Variants in CTNNA2 observed in about 807,000 individuals in gnomAD.
CTNNA2 encodes the protein catenin alpha-2.
In CTNNA2, 42 loss-of-function variants were observed where a neutral mutation model predicts 101.0. That is an observed-to-expected ratio of 0.42 (90% CI 0.32 to 0.54). CTNNA2 has a LOEUF of 0.54. CTNNA2 is among the 20% of genes least tolerant of loss of function. The pLI is 0.14. For synonymous variants in CTNNA2, 450 were observed against 456.4 expected (o/e 0.99, Z 0.18); for missense variants, 871 against 1,223.1 (o/e 0.71, Z 4.29).
chr2:79,734,647 A>G (rs1040862212), intron 2 of CTNNA2, among the ~76,000 whole-genome samples: 3 of 152,160 alleles, frequency 2.0e-5, no homozygotes, highest in African/African-American at 4.8e-5. Flanking sequence ...AGAAAGCAAG[A>G]TGAATGTAGC....
chr2:79,665,002 T>C (rs1976628), intron 2 of CTNNA2, among the ~76,000 whole-genome samples: 96,893 of 151,942 alleles, frequency 0.64, 31,160 homozygotes, highest in East Asian at 0.79. Flanking sequence ...TGAGCCACCG[T>C]TCCCGGCCCA....
chr2:79,837,349 C>A (rs986708054), intron 3 of CTNNA2, among the ~76,000 whole-genome samples: 13 of 152,184 alleles, frequency 8.5e-5, no homozygotes, highest in African/African-American at 3.1e-4. Context: ...TATGTTCTAG[C>A]TGTGCTGGCA....
At chr2:80,338,208 C>T (rs1671919384) in intron 7 of CTNNA2, among the ~76,000 whole-genome samples, 1 of 151,908 alleles carries the variant, frequency 6.6e-6, no homozygotes, top group African/African-American at 2.4e-5. Flanking sequence ...AGGCTGATCT[C>T]GAACTCCTGA....
chr2:79,472,576 C>T (rs1026467320), intron 4 of CTNNA2, among the ~76,000 whole-genome samples: 1 of 152,170 alleles, frequency 6.6e-6, no homozygotes, highest in Non-Finnish European at 1.5e-5. Flanking sequence ...TTCATTTCAT[C>T]CCATTTTTTG....
chr2:79,670,164 A>G (rs1682731298), intron 2 of CTNNA2, among the ~76,000 whole-genome samples: 1 of 152,172 alleles, frequency 6.6e-6, no homozygotes, highest in South Asian at 2.1e-4. Flanking sequence ...CGCCCTGCCA[A>G]CTTGGAAGAG....
At chr2:80,125,018 A>G (rs1206160789) in intron 7 of CTNNA2, among the ~76,000 whole-genome samples, 1 of 152,186 alleles carries the variant, frequency 6.6e-6, no homozygotes, top group Non-Finnish European at 1.5e-5. Context: ...AGCTTGGAAG[A>G]GAACACCAGT....
intron 7 of CTNNA2, among the ~76,000 whole-genome samples, chr2:80,309,292 C>G (rs754298659): frequency 3.3e-5 from 5 of 152,136 alleles, no homozygotes. Context: ...AACTATCCTT[C>G]AAGGTTGATG....
intron 7 of CTNNA2, chr2:80,313,229 T>A: frequency 3.1e-6 from 1 of 319,226 alleles, no homozygotes; most frequent in Non-Finnish European, 5.1e-6. Context: ...CCTGCCTAGT[T>A]AGATGCATTT....
At chr2:79,227,179 G>T (rs757086524) in intron 2 of CTNNA2, among the ~76,000 whole-genome samples, 1 of 152,094 alleles carries the variant, frequency 6.6e-6, no homozygotes, top group African/African-American at 2.4e-5. Context: ...TCTTGACAGG[G>T]ATTGGAAAAA....
At chr2:80,442,353 A>T (rs2149443642) in intron 9 of CTNNA2, among the ~76,000 whole-genome samples, 1 of 152,342 alleles carries the variant, frequency 6.6e-6, no homozygotes, top group African/African-American at 2.4e-5. Context: ...TTGCCCAGCC[A>T]TCTGGACCTT....
chr2:79,306,560 T>G (rs1036384411), intron 2 of CTNNA2, among the ~76,000 whole-genome samples: 2 of 152,202 alleles, frequency 1.3e-5, no homozygotes, highest in Non-Finnish European at 2.9e-5. Flanking sequence ...ATAACACACT[T>G]TTGGTGGACA....
intron 6 of CTNNA2, among the ~76,000 whole-genome samples, chr2:79,878,395 G>A (rs898404671): frequency 2.6e-5 from 4 of 152,284 alleles, no homozygotes; most frequent in Admixed American, 1.3e-4. Flanking sequence ...TTGCCATACT[G>A]TCTTCCACAA....
chr2:79,387,490 G>A (rs936542166), intron 4 of CTNNA2, among the ~76,000 whole-genome samples: 2 of 152,156 alleles, frequency 1.3e-5, no homozygotes, highest in Non-Finnish European at 2.9e-5. Context: ...AGAGTTGAAC[G>A]GTGTGGTAAA....
intron 1 of CTNNA2, chr2:79,547,047 G>A (rs1558718784): frequency 6.6e-6 from 1 of 152,070 alleles, no homozygotes; most frequent in Non-Finnish European, 1.5e-5. Flanking sequence ...GTGTGTGTGT[G>A]TTTGTGTGTG....
chr2:80,494,531 G>C (rs1687296697), intron 9 of CTNNA2, among the ~76,000 whole-genome samples: 2 of 151,956 alleles, frequency 1.3e-5, no homozygotes, highest in Non-Finnish European at 2.9e-5. Context: ...AAAAAAAATA[G>C]AACAGAGGAT....
At chr2:79,803,556 T>G (rs1489296988) in intron 3 of CTNNA2, among the ~76,000 whole-genome samples, 1 of 152,276 alleles carries the variant, frequency 6.6e-6, no homozygotes, top group Non-Finnish European at 1.5e-5. Context: ...GGCTTAAGGA[T>G]GCCTTTAAGC....
intron 7 of CTNNA2, among the ~76,000 whole-genome samples, chr2:79,946,385 T>C (rs1357005880): frequency 6.6e-6 from 1 of 152,216 alleles, no homozygotes; most frequent in Non-Finnish European, 1.5e-5. Context: ...TGGCTCACCA[T>C]GTTAATTACA....
intron 7 of CTNNA2, among the ~76,000 whole-genome samples, chr2:80,119,849 C>T (rs1041302920): frequency 6.6e-6 from 1 of 152,082 alleles, no homozygotes; most frequent in Non-Finnish European, 1.5e-5. Flanking sequence ...CTATGTAAGA[C>T]AATGAATTTA....
intron 3 of CTNNA2, among the ~76,000 whole-genome samples, chr2:79,836,640 T>G (rs1355391800): frequency 6.6e-6 from 1 of 152,230 alleles, no homozygotes; most frequent in African/African-American, 2.4e-5. Context: ...TCCTTGCTTC[T>G]TCCTAGCTCC....
Sources: gnomAD v4.1 joint callset for allele counts (sites outside exome capture counted in the v4.1 genomes callset) on GRCh38, gnomAD v4.1.1 for gene constraint, MANE v1.5 for transcripts, NCBI Gene and HGNC (gene_info 2026-07-23, HGNC 2026-07-21) for gene names.